Variants in FRMPD4 observed in about 807,000 individuals in gnomAD.
FRMPD4 encodes the protein FERM and PDZ domain-containing protein 4.
Under a neutral mutation model 94.1 loss-of-function variants are expected in FRMPD4, and 22 were observed. That is an observed-to-expected ratio of 0.23 (90% CI 0.17 to 0.33). The LOEUF is 0.33. Among genes scored for constraint, FRMPD4 ranks in the 10% least tolerant of loss-of-function variants. The pLI, the probability that FRMPD4 is intolerant of heterozygous loss-of-function variation, is 1.00. For synonymous variants in FRMPD4, 631 were observed against 548.6 expected, an observed-to-expected ratio of 1.15 and a Z score of -2.10; for missense variants, 1,111 against 1,339.9, an observed-to-expected ratio of 0.83 and a Z score of 2.67.
intron 1 of FRMPD4, among the ~76,000 whole-genome samples, chrX:12,406,860 G>A (rs1321442892): frequency 8.9e-6 from 1 of 112,072 alleles, no homozygotes; most frequent in Non-Finnish European, 1.9e-5. Context: ...TAAAATGACA[G>A]GAATTTATTG....
intron 2 of FRMPD4, among the ~76,000 whole-genome samples, chrX:12,507,665 T>C (rs1042231063): frequency 1.8e-5 from 2 of 112,185 alleles, no homozygotes; most frequent in African/African-American, 6.5e-5. Flanking sequence ...GAGCTAAAAA[T>C]GGACCTCAGA....
chrX:12,293,777 C>T (rs771651398), intron 1 of FRMPD4, among the ~76,000 whole-genome samples: 3 of 112,112 alleles, frequency 2.7e-5, no homozygotes, highest in Non-Finnish European at 5.6e-5. Flanking sequence ...TTACAAAACA[C>T]GGGGATTGTT....
intron 3 of FRMPD4, among the ~76,000 whole-genome samples, chrX:11,879,093 G>T (rs1159423806): frequency 1.8e-5 from 2 of 111,814 alleles, no homozygotes; most frequent in African/African-American, 6.5e-5. Flanking sequence ...TTTTTGTTAT[G>T]CAGTTCACTG....
At chrX:11,851,298 C>A (rs747371163) in intron 1 of FRMPD4, among the ~76,000 whole-genome samples, 3 of 111,494 alleles carry the variant, frequency 2.7e-5, no homozygotes, top group Admixed American at 1.9e-4. Context: ...TTTTTGATTT[C>A]CTCATCCCAG....
chrX:12,607,219 G>T (rs1410656017), intron 2 of FRMPD4, among the ~76,000 whole-genome samples: 1 of 111,455 alleles, frequency 9.0e-6, no homozygotes, highest in Non-Finnish European at 1.9e-5. Flanking sequence ...AGGCCTCTCC[G>T]TCTGATCTCC....
At chrX:12,096,878 C>T (rs998001123) in intron 3 of FRMPD4, among the ~76,000 whole-genome samples, 1 of 111,148 alleles carries the variant, frequency 9.0e-6, no homozygotes, top group Non-Finnish European at 1.9e-5. Context: ...CAGAGCAAGA[C>T]CCCATCTCTA....
intron 1 of FRMPD4, among the ~76,000 whole-genome samples, chrX:12,454,512 T>TCA (rs760998906): frequency 1.4e-3 from 152 of 109,917 alleles, no homozygotes; most frequent in Non-Finnish European, 2.3e-3. Context: ...GAATATTGAA[T>TCA]GTCAAAGAAT....
At chrX:12,344,344 T>G (rs1264417101) in intron 1 of FRMPD4, among the ~76,000 whole-genome samples, 1 of 111,320 alleles carries the variant, frequency 9.0e-6, no homozygotes, top group Non-Finnish European at 1.9e-5. Flanking sequence ...TCATTCAACT[T>G]TCTCTGTTTT....
rs769342603 is a variant in FRMPD4 at position 12,176,476 on chromosome X, AT to A, written c.41+37465del. Among the ~76,000 whole-genome samples, 12 of 112,011 alleles carry A rather than the reference AT, an allele frequency of 1.1e-4. No homozygotes were observed. The South Asian group carries it at 1.1e-3, about 10-fold the overall frequency. On this transcript the variant is annotated intron_variant, in intron 1 of 16. Coordinates refer to ENST00000675598, the MANE Select transcript of FRMPD4 (RefSeq NM_001368397.1). ...TTTCCCCAAATTTTATTTTCAAAAA[AT>A]GTTTGCGTAAATATAAGACTAAATG...
At chrX:11,968,551 T>C (rs1025400858) in intron 3 of FRMPD4, among the ~76,000 whole-genome samples, 50 of 111,432 alleles carry the variant, frequency 4.5e-4, no homozygotes, top group African/African-American at 1.5e-3. Context: ...CTAGCGACCA[T>C]CTCCTGGCAA....
chrX:11,903,001 A>G (rs1022347313), intron 3 of FRMPD4, among the ~76,000 whole-genome samples: 23 of 112,052 alleles, frequency 2.1e-4, no homozygotes, highest in African/African-American at 7.5e-4. Flanking sequence ...AATGATAAAT[A>G]TATGGTATGA....
chrX:12,275,765 C>T (rs934721117), intron 1 of FRMPD4, among the ~76,000 whole-genome samples: 1 of 110,489 alleles, frequency 9.1e-6, no homozygotes, highest in African/African-American at 3.3e-5. Context: ...AATGGAGATT[C>T]CATGAAGAAT....
intron 1 of FRMPD4, among the ~76,000 whole-genome samples, chrX:12,316,423 G>A (rs2055117588): frequency 9.0e-6 from 1 of 111,482 alleles, no homozygotes. Context: ...AAAGTGCCGG[G>A]ATTACAGGCG....
In FRMPD4 at chrX:12,388,842, TATATATATAC is replaced by T. The variant is rs1223056963; in HGVS notation, c.42-109836_42-109827del. Among the ~76,000 whole-genome samples the T allele has an allele frequency of 9.2e-4, 78 of 84,788 alleles. 1 individual carries two copies. The highest frequency in any genetic ancestry group is 3.7e-3 in the African/African-American group (75 of 20,272). The allele number at this position is 84,788 out of a possible 115,157, so 73.6% of individuals were successfully genotyped here. The stretch of plus-strand genomic sequence containing the variant: ...TGATATATATATATATATATATATA[TATATATATAC>T]ACACAATGGAGTACTATTCAGCCTT... On this transcript the variant is annotated intron_variant, in intron 1 of 16. Coordinates refer to ENST00000675598, the MANE Select transcript of FRMPD4 (RefSeq NM_001368397.1).
At chrX:12,503,547 T>C (rs2057946918) in intron 2 of FRMPD4, among the ~76,000 whole-genome samples, 1 of 112,290 alleles carries the variant, frequency 8.9e-6, no homozygotes, top group African/African-American at 3.2e-5. Context: ...AGTTTAGTCA[T>C]TCCCATCTGC....
chrX:12,062,114 G>T (rs2054890419), intron 3 of FRMPD4, among the ~76,000 whole-genome samples: 1 of 111,785 alleles, frequency 8.9e-6, no homozygotes, highest in African/African-American at 3.2e-5. Flanking sequence ...GCCTCCTCCT[G>T]CCCTGAGCTC....
intron 2 of FRMPD4, among the ~76,000 whole-genome samples, chrX:12,603,621 T>G (rs1389406927): frequency 1.2e-4 from 13 of 111,498 alleles, no homozygotes; most frequent in Admixed American, 9.5e-4. Flanking sequence ...CTGTATTTTT[T>G]GGGTCACAGA....
At chrX:11,912,851 C>T (rs889713110) in intron 3 of FRMPD4, among the ~76,000 whole-genome samples, 19 of 110,527 alleles carry the variant, frequency 1.7e-4, no homozygotes, top group African/African-American at 4.3e-4. Flanking sequence ...GTGAAGGGGC[C>T]GGGAATTTAT....
At chrX:12,276,102 A>G (rs183911510) in intron 1 of FRMPD4, among the ~76,000 whole-genome samples, 6 of 112,610 alleles carry the variant, frequency 5.3e-5, no homozygotes, top group African/African-American at 1.9e-4. Context: ...AAAATATTGG[A>G]TATTTATTTG....
Sources: gnomAD v4.1 joint callset for allele counts (sites outside exome capture counted in the v4.1 genomes callset) on GRCh38, gnomAD v4.1.1 for gene constraint, MANE v1.5 for transcripts, NCBI Gene and HGNC (gene_info 2026-07-23, HGNC 2026-07-21) for gene names.